SPECC1: variants seen among roughly 807,000 people sequenced by gnomAD.
The protein encoded by SPECC1 is sperm antigen with calponin homology and coiled-coil domains 1.
SPECC1 carries 62 observed loss-of-function variants against 104.1 expected under a neutral mutation model. The ratio of observed to expected loss-of-function variants is 0.60; its 90% CI spans 0.49 to 0.74. The LOEUF is 0.74. SPECC1 is among the 30% of genes least tolerant of loss of function. SPECC1 has a pLI of 0.00. For missense variants in SPECC1, 1,306 were observed against 1,310.5 expected (o/e 1.00, Z 0.05); for synonymous variants, 513 against 501.6 (o/e 1.02, Z -0.30).
intron 12 of SPECC1, among the ~76,000 whole-genome samples, chr17:20,281,052 C>T (rs1296679724): frequency 6.6e-6 from 1 of 152,292 alleles, no homozygotes; most frequent in African/African-American, 2.4e-5. Context: ...GAGCATCGGA[C>T]ATTCTCGTTT....
rs199957687 is a variant in SPECC1, at chr17:20,184,105, CG to C, written c.284-20225del. 2.9e-3 allele frequency among the ~76,000 whole-genome samples: 432 copies of C among 147,670 alleles called. 19 individuals carry two copies. In the East Asian group the frequency reaches 0.083, roughly 28 times the overall value. On this transcript the variant is annotated intron_variant, in intron 3 of 14. Coordinates refer to ENST00000395527, the MANE Select transcript of SPECC1 (RefSeq NM_001243439.2). The stretch of plus-strand genomic sequence containing the variant: ...CTGAGGCATGAGAATCGCTTGAACC[CG>C]GGAAATGGAGGTTGCAGTGAGCTGA...
At chr17:20,252,514 T>A (rs1413179179) in intron 9 of SPECC1, among the ~76,000 whole-genome samples, 2 of 152,098 alleles carry the variant, frequency 1.3e-5, no homozygotes, top group Admixed American at 6.6e-5. Context: ...CACGGAACAA[T>A]TCCCCACTTC....
At chr17:20,050,364 G>A (rs1014857207) in intron 1 of SPECC1, among the ~76,000 whole-genome samples, 11 of 151,836 alleles carry the variant, frequency 7.2e-5, no homozygotes, top group Admixed American at 1.3e-4. Flanking sequence ...TAGATTTATC[G>A]TATATTAAAT....
intron 12 of SPECC1, among the ~76,000 whole-genome samples, chr17:20,272,983 G>A (rs1598120348): frequency 6.6e-6 from 1 of 152,082 alleles, no homozygotes; most frequent in Non-Finnish European, 1.5e-5. Context: ...TCATGTTTAG[G>A]TGGAGGCTCT....
At chr17:20,253,822 C>T (rs1157868841) in intron 10 of SPECC1, among the ~76,000 whole-genome samples, 8 of 151,960 alleles carry the variant, frequency 5.3e-5, no homozygotes, top group Admixed American at 1.3e-4. Flanking sequence ...GGAGACAGGC[C>T]CAATTTTTTT....
At chr17:20,177,959 C>T (rs923343336) in intron 3 of SPECC1, among the ~76,000 whole-genome samples, 10 of 152,030 alleles carry the variant, frequency 6.6e-5, no homozygotes, top group African/African-American at 1.7e-4. Flanking sequence ...CCGCCTGCCT[C>T]GGCCTCCCAA....
At position 20,091,105 on chromosome 17, in the gene SPECC1, C is replaced by G. The variant is rs531360222; in HGVS notation, c.-21-5526C>G. Reference sequence around the variant, plus strand: ...TTTATCACTTCTTTTTTTCCAGTGACTTCTGCTGATGGGATCAATGAATTT... The same window carrying G: ...TTTATCACTTCTTTTTTTCCAGTGAGTTCTGCTGATGGGATCAATGAATTT... On this transcript the variant is annotated intron_variant, in intron 1 of 14. Transcript: ENST00000395527. Among the ~76,000 whole-genome samples, 19 of 152,224 alleles carry G rather than the reference C, an allele frequency of 1.2e-4. No individual in the cohort carries two copies. The East Asian group carries it at 3.7e-3, about 29-fold the overall frequency.
chr17:20,269,765 G>T (rs1001179943), intron 12 of SPECC1, among the ~76,000 whole-genome samples: 1 of 152,220 alleles, frequency 6.6e-6, no homozygotes, highest in Non-Finnish European at 1.5e-5. Flanking sequence ...GGAAGCACGT[G>T]CCTGGTTTCC....
At chr17:20,133,195 C>G (rs952237007) in intron 3 of SPECC1, among the ~76,000 whole-genome samples, 4 of 151,626 alleles carry the variant, frequency 2.6e-5, no homozygotes, top group Admixed American at 2.0e-4. Flanking sequence ...TTTTCAGAAC[C>G]AGCTATTTGT....
At chr17:20,115,556 A>G (rs2048715200) in intron 3 of SPECC1, among the ~76,000 whole-genome samples, 1 of 152,212 alleles carries the variant, frequency 6.6e-6, no homozygotes. Flanking sequence ...AAATTAAAAG[A>G]ACAGTAGTGT....
At position 20,110,451 on chromosome 17, in the gene SPECC1, A is replaced by T; in HGVS notation, c.172A>T (p.Thr58Ser). ...SRLKRASSED[T>S]LNKPGSTAAS... ...GCTCAAGAGGGCCAGCAGTGAGGAC[A>T]CGCTCAACAAGCCAGGAAGTACCGC... The change falls in exon 3 of 15, where the codon ACG becomes TCG. Residue 58 changes from threonine (T) to serine (S), a missense_variant. Transcript: ENST00000395527. The T allele has an allele frequency of 6.2e-7, 1 of 1,613,766 alleles. No homozygotes were observed. The highest frequency in any genetic ancestry group is 8.5e-7 in the Non-Finnish European group (1 of 1,179,834).
chr17:20,046,312 T>C (rs889707675), intron 1 of SPECC1, among the ~76,000 whole-genome samples: 3 of 152,184 alleles, frequency 2.0e-5, no homozygotes, highest in African/African-American at 7.2e-5. Flanking sequence ...TCTAGGCTTC[T>C]TAAAATTATA....
chr17:20,298,944 A>AGTGTGTGTGT (rs1422097054), intron 13 of SPECC1, among the ~76,000 whole-genome samples: 1 of 41,492 alleles, frequency 2.4e-5, no homozygotes, highest in Non-Finnish European at 4.2e-5. Flanking sequence ...AGAGAGAGAG[A>AGTGTGTGTGT]GAGAGTGTGT....
At chr17:20,161,504 A>G (rs1020937895) in intron 3 of SPECC1, among the ~76,000 whole-genome samples, 2 of 152,204 alleles carry the variant, frequency 1.3e-5, no homozygotes, top group African/African-American at 4.8e-5. Flanking sequence ...AGCATTTAAA[A>G]TATCAGGATC....
chr17:20,088,245 CTT>C (rs2047254640), intron 1 of SPECC1, among the ~76,000 whole-genome samples: 1 of 152,086 alleles, frequency 6.6e-6, no homozygotes, highest in Non-Finnish European at 1.5e-5. Flanking sequence ...AATTTTGAAA[CTT>C]TAATTTTAGT....
chr17:20,247,270 G>A lies in SPECC1; in HGVS notation c.2549G>A (p.Ser850Asn). The change falls in exon 9 of 15, where the codon AGT (serine) becomes AAT (asparagine). Residue 850 changes from serine (S) to asparagine (N), a missense_variant. By Grantham distance (46) the Ser-to-Asn change is conservative (BLOSUM62 1). Coordinates refer to ENST00000395527, the MANE Select transcript of SPECC1 (RefSeq NM_001243439.2). ...SVHKTPRSPLSGIPVRTAPAA... is the reference protein window; with the variant it reads ...SVHKTPRSPLNGIPVRTAPAA... ...CATAAGACCCCCAGAAGTCCCCTAA[G>A]TGGGATACCAGTGAGGACTGCTCCA... 6.2e-7 allele frequency: 1 copy of A among 1,613,802 alleles called. No homozygotes were observed. Among genetic ancestry groups the A allele is most frequent in the South Asian group, 1.1e-5 (1 of 90,930 alleles).
At position 20,210,408 on chromosome 17, in the gene SPECC1, G is replaced by T. The variant is rs1332902788; in HGVS notation, c.1863+4496G>T. 2.6e-5 allele frequency among the ~76,000 whole-genome samples: 4 copies of T among 152,342 alleles called. No homozygotes were observed. In the South Asian group the frequency reaches 6.2e-4, roughly 24 times the overall value. On this transcript the variant is annotated intron_variant, in intron 4 of 14. Transcript: ENST00000395527. ...TGCTGTGGTTCTGGACCTCCTGCCAGGGGTACAGGACAGCTCAGCATTGCC... is the reference window on the plus strand; with the variant it reads ...TGCTGTGGTTCTGGACCTCCTGCCATGGGTACAGGACAGCTCAGCATTGCC...
intron 3 of SPECC1, among the ~76,000 whole-genome samples, chr17:20,177,744 C>T (rs892134418): frequency 2.0e-5 from 3 of 152,122 alleles, no homozygotes; most frequent in Non-Finnish European, 2.9e-5. Context: ...GAGTCTTTCT[C>T]TGTCGCCCAG....
At chr17:20,204,191 C>T in intron 3 of SPECC1, 142 bp from the exon 4 acceptor site, 1 of 1,058,134 alleles carries the variant, frequency 9.5e-7, no homozygotes, top group Admixed American at 2.6e-5. Context: ...ACAGTCAGAA[C>T]TGGGTAATTA....
Sources: allele counts gnomAD v4.1 joint callset (sites outside exome capture counted in the v4.1 genomes callset), GRCh38; gene constraint gnomAD v4.1.1; transcripts MANE v1.5; gene names NCBI Gene and HGNC (gene_info 2026-07-23, HGNC 2026-07-21).